MYO15A: variants seen among roughly 807,000 people sequenced by gnomAD.
The protein encoded by MYO15A is myosin XVA.
A neutral mutation model predicts 394.6 loss-of-function variants in MYO15A; 308 were observed. The observed-to-expected ratio is 0.78, with a 90% CI of 0.71 to 0.86. The LOEUF is 0.86. Ranked by LOEUF, MYO15A falls within the 40% of genes least tolerant of loss-of-function variation. The probability of loss-of-function intolerance (pLI) is 0.00; values close to 1 mark genes in which losing one functional copy is unlikely to be tolerated. For missense variants in MYO15A, 4,606 were observed against 4,799.1 expected, an observed-to-expected ratio of 0.96 and a Z score of 1.19; for synonymous variants, 1,957 against 2,003.8, an observed-to-expected ratio of 0.98 and a Z score of 0.62.
At chr17:18,142,299 G>A in intron 24 of MYO15A, 45 bp downstream of exon 24, 1 of 1,590,658 alleles carries the variant, frequency 6.3e-7, no homozygotes, top group Non-Finnish European at 8.6e-7. Context: ...CTATGGTCAG[G>A]CTCGGGAGAG....
rs2046856772 is a variant in MYO15A, at chr17:18,166,464, C to T, written c.9891C>T (p.Leu3297=). Residue 3297 remains leucine, a synonymous_variant, in exon 61 of 66, where the codon CTC becomes CTT. Coordinates refer to ENST00000647165, the MANE Select transcript of MYO15A (RefSeq NM_016239.4). ...GGYMLWFRRV[L]WDQPLKFENE... ...ACATGCTCTGGTTCCGGCGTGTGCTCTGGGATCAGCCACTCAAGTTCGAGA... is the reference window on the plus strand; with the variant it reads ...ACATGCTCTGGTTCCGGCGTGTGCTTTGGGATCAGCCACTCAAGTTCGAGA... The T allele has an allele frequency of 1.2e-6, 2 of 1,614,062 alleles. No homozygotes were observed.
At chr17:18,109,432 C>A (rs963149504) in intron 1 of MYO15A, 7 of 170,582 alleles carry the variant, frequency 4.1e-5, no homozygotes, top group African/African-American at 1.4e-4. Flanking sequence ...ATGTCCTGGG[C>A]TTTCTGGATC....
At chr17:18,141,998 C>T (rs990835038) in intron 23 of MYO15A, 81 bp from the exon 24 acceptor site, 2 of 1,555,010 alleles carry the variant, frequency 1.3e-6, no homozygotes, top group Admixed American at 1.7e-5. Flanking sequence ...TATTCTGTCT[C>T]CACGGACTTC....
chr17:18,169,157 T>TAATAAAAAAAAA (rs369888022), intron 62 of MYO15A, among the ~76,000 whole-genome samples: 1 of 92,152 alleles, frequency 1.1e-5, no homozygotes, highest in South Asian at 3.1e-4. Context: ...ATAATAATAA[T>TAATAAAAAAAAA]AAAAATAGGC....
Position 18,150,372 on chromosome 17 carries a change from A to G in MYO15A, c.7213-57A>G, listed in dbSNP as rs2046557866. 1.7e-5 allele frequency: 26 copies of G among 1,530,452 alleles called. No individual in the cohort carries two copies. Among genetic ancestry groups the G allele is most frequent in the Non-Finnish European group, 2.4e-5 (26 of 1,105,264 alleles). 94.8% of individuals were successfully genotyped at this position (1,530,452 alleles called of 1,614,324 possible). On this transcript the variant is annotated intron_variant, in intron 35 of 65. Coordinates refer to ENST00000647165, the MANE Select transcript of MYO15A (RefSeq NM_016239.4). This position sits in a 1 kb window ranked among gnomAD's most constrained non-coding sequence, Gnocchi z 4.4. ...AGGCCAGTGTCAGGTGCCTGTTGCC[A>G]TGGAACCTTGGGAGTACAATAATGA...
chr17:18,163,416 A>T, intron 59 of MYO15A, 95 bp downstream of exon 59: 1 of 1,277,820 alleles, frequency 7.8e-7, no homozygotes, highest in Non-Finnish European at 1.1e-6. Flanking sequence ...GCCCCCAATG[A>T]TGCTGAGCCC....
Position 18,155,124 on chromosome 17 carries a change from G to T in MYO15A, c.8239G>T (p.Asp2747Tyr), listed in dbSNP as rs374160194. 6.2e-7 allele frequency: 1 copy of T among 1,613,666 alleles called. No individual in the cohort carries two copies. The highest frequency in any genetic ancestry group is 8.5e-7 in the Non-Finnish European group (1 of 1,179,906). Residue 2747 changes from aspartate (D) to tyrosine (Y), a missense_variant, in exon 46 of 66, where the codon GAC becomes TAC. This residue lies in a region of MYO15A where 2,776 missense variants were observed against 3,109.3 expected (regional missense o/e 0.89). Transcript: ENST00000647165. The part of the protein sequence containing the change: ...MKALFAQNQL[D>Y]TQKPLVTESV... ...GCCTCCCATAGCCCAGAACCAGCTG[G>T]ACACACAGAAGCCTCTGGTAACGGA...
Position 18,159,961 on chromosome 17 carries a change from G to A in MYO15A, c.9330G>A (p.Arg3110=). 6.2e-7 allele frequency: 1 copy of A among 1,614,088 alleles called. No homozygotes were observed. Among genetic ancestry groups the A allele is most frequent in the Non-Finnish European group, 8.5e-7 (1 of 1,180,016 alleles). Residue 3110 remains arginine (R), a synonymous_variant, in exon 56 of 66, where the codon CGG becomes CGA. Transcript: ENST00000647165. ...LKLCGDHEVM[R]DECYCQVVKQ... ...TGTGCGGGGACCATGAGGTCATGCG[G>A]GATGAATGTTACTGCCAAGTTGTGA...
intron 44 of MYO15A, 92 bp from the exon 45 acceptor site, chr17:18,154,588 C>A: frequency 7.4e-7 from 1 of 1,347,298 alleles, no homozygotes; most frequent in Non-Finnish European, 1.1e-6. Context: ...AATGGGACCC[C>A]TCCCACATTG....
intron 25 of MYO15A, 116 bp downstream of exon 25, chr17:18,142,956 C>A: frequency 1.1e-6 from 1 of 885,306 alleles, no homozygotes; most frequent in Non-Finnish European, 1.8e-6. Flanking sequence ...TCTGCCTCTG[C>A]CACCCACTAG....
chr17:18,151,871 A>T lies in MYO15A; in HGVS notation c.7813A>T (p.Lys2605Ter). ...GAAGGATGGCGGGAAAGTGTTCATG[A>T]AGCGGCCAGACCCTCATGAGGAGGC... ...LRKDGGKVFM[K>*]RPDPHEEALM... The change falls in exon 41 of 66, where the codon AAG (lysine) becomes TAG (stop). Residue 2605 changes from lysine to a stop codon, truncating the protein, a stop_gained. Coordinates refer to ENST00000647165, the MANE Select transcript of MYO15A (RefSeq NM_016239.4). LOFTEE classifies it high-confidence loss of function. 6.3e-7 allele frequency: 1 copy of T among 1,578,266 alleles called. No homozygotes were observed. The highest frequency in any genetic ancestry group is 1.7e-4 in the Middle Eastern group (1 of 6,024).
chr17:18,136,502 G>GC (rs1178528677), intron 14 of MYO15A, 27 bp downstream of exon 14: 1 of 1,613,724 alleles, frequency 6.2e-7, no homozygotes, highest in Non-Finnish European at 8.5e-7. Flanking sequence ...CCCTGCCTGA[G>GC]CCCCGAGGCC....
rs1234839372 is a variant in MYO15A at position 18,140,673 on chromosome 17, G to C, written c.5360+8G>C. 1 of 1,613,756 alleles carries C rather than the reference G, an allele frequency of 6.2e-7. No individual in the cohort carries two copies. The highest frequency in any genetic ancestry group is 1.7e-5 in the Admixed American group (1 of 60,022). ...GGTGGAAAAGATGGAGAGGTGGGGT[G>C]GGGGGCAGGTGGGCGGAGCACCCAG... On this transcript the variant is annotated splice_region_variant and intron_variant, in intron 20 of 65. Transcript: ENST00000647165.
chr17:18,126,539 G>C, intron 5 of MYO15A, 83 bp downstream of exon 5: 1 of 1,353,456 alleles, frequency 7.4e-7, no homozygotes, highest in Non-Finnish European at 1.0e-6. Flanking sequence ...GGCTGCACCT[G>C]AGCCATGAGT....
chr17:18,142,160 C>T lies in MYO15A; in HGVS notation c.5731C>T (p.Arg1911Cys). Reference protein sequence around the residue: ...VLNLAALTLQRCLRGFFIKRR... With the variant: ...VLNLAALTLQCCLRGFFIKRR... ...GAATCTGGCAGCCCTCACTCTGCAG[C>T]GCTGCCTCCGTGGCTTCTTCATTAA... is the stretch of plus-strand genomic sequence containing the variant. The change falls in exon 24 of 66, where the codon CGC becomes TGC. Residue 1911 changes from arginine to cysteine, a missense_variant. Coordinates refer to ENST00000647165, the MANE Select transcript of MYO15A (RefSeq NM_016239.4). 1.9e-6 allele frequency: 3 copies of T among 1,613,872 alleles called. No homozygotes were observed. The highest frequency in any genetic ancestry group is 2.2e-5 in the South Asian group (2 of 91,084).
rs2046254062 is a variant in MYO15A at position 18,135,715 on chromosome 17, A to T, written c.4487A>T (p.Asp1496Val). Residue 1496 changes from aspartate (D) to valine (V), a missense_variant, in exon 13 of 66, where the codon GAT (aspartate) becomes GTT (valine). Physicochemically the swap from Asp to Val is radical, Grantham distance 152 (BLOSUM62 -3). This residue lies in a region of MYO15A where 2,776 missense variants were observed against 3,109.3 expected (regional missense o/e 0.89). Transcript: ENST00000647165. ...TCCTGTTGGTATTTTGCATAGACGG[A>T]TGCACAGGAGGTGGCCTCAGTGGTG... ...GNVYFEKYETDAQEVASVVSA... is the reference protein window; with the variant it reads ...GNVYFEKYETVAQEVASVVSA... The T allele has an allele frequency of 1.9e-6, 3 of 1,614,066 alleles. No homozygotes were observed. Among genetic ancestry groups the T allele is most frequent in the South Asian group, 2.2e-5 (2 of 91,068 alleles).
chr17:18,124,480 C>G lies in MYO15A; in HGVS notation c.3610-3C>G. 1.9e-6 allele frequency: 3 copies of G among 1,611,170 alleles called. No individual in the cohort carries two copies. Among genetic ancestry groups the G allele is most frequent in the Admixed American group, 1.7e-5 (1 of 60,008 alleles). ...GCAGACACAGCCTCTCTCTCTCACA[C>G]AGATGCACTCCATCCGCAACCTGCC... On this transcript the variant is annotated splice_polypyrimidine_tract_variant and splice_region_variant and intron_variant, in intron 2 of 65. Transcript: ENST00000647165.
At chr17:18,127,018 G>T in intron 6 of MYO15A, 57 bp from the exon 7 acceptor site, 1 of 1,602,758 alleles carries the variant, frequency 6.2e-7, no homozygotes. Context: ...GGGAGTCAGG[G>T]TGCCCCAGAA....
chr17:18,126,629 G>A (rs897810472), intron 5 of MYO15A, among the ~76,000 whole-genome samples, 162 bp from the exon 6 acceptor site: 1 of 152,096 alleles, frequency 6.6e-6, no homozygotes, highest in Non-Finnish European at 1.5e-5. Context: ...CAGGTTGGAG[G>A]CCACTGTCGT....
Sources: gnomAD v4.1 joint callset for allele counts (sites outside exome capture counted in the v4.1 genomes callset) on GRCh38, gnomAD v4.1.1 for gene constraint, gnomAD v4.1.1 regional missense constraint, Gnocchi (gnomAD v3.1) non-coding constraint, MANE v1.5 for transcripts, NCBI Gene and HGNC (gene_info 2026-07-23, HGNC 2026-07-21) for gene names.